Variants in LIFR observed in about 807,000 individuals in gnomAD.
LIFR encodes the protein LIF receptor subunit alpha.
LIFR carries 84 observed loss-of-function variants against 122.2 expected under a neutral mutation model. The observed-to-expected ratio is 0.69, with a 90% CI of 0.58 to 0.82. The LOEUF is 0.82. Among genes scored for constraint, LIFR ranks in the 40% least tolerant of loss-of-function variants. The pLI is 0.00. For missense variants in LIFR, 1,294 were observed against 1,311.6 expected (o/e 0.99, Z 0.21); for synonymous variants, 422 against 434.7 (o/e 0.97, Z 0.36).
chr5:38,491,899 A>T (rs1362666286), intron 14 of LIFR, among the ~76,000 whole-genome samples: 1 of 152,180 alleles, frequency 6.6e-6, no homozygotes, highest in Non-Finnish European at 1.5e-5. Context: ...TACATCTGTA[A>T]ATCTGTACCT....
At chr5:38,536,256 T>TC (rs1279780900) in intron 1 of LIFR, among the ~76,000 whole-genome samples, 1 of 152,066 alleles carries the variant, frequency 6.6e-6, no homozygotes, top group Admixed American at 6.5e-5. Context: ...ACCCTTCATA[T>TC]CCCAGGGTTC....
chr5:38,533,022 G>A (rs1429398853), intron 1 of LIFR, among the ~76,000 whole-genome samples: 4 of 152,200 alleles, frequency 2.6e-5, no homozygotes, highest in African/African-American at 9.6e-5. Flanking sequence ...GCAAACTGCA[G>A]CCCCTCTGCC....
chr5:38,530,728 T>G (rs1561182214), intron 1 of LIFR, 62 bp from the exon 2 acceptor site: 3 of 1,346,046 alleles, frequency 2.2e-6, no homozygotes, highest in Non-Finnish European at 2.1e-6. Flanking sequence ...CCTTATACTG[T>G]GCACACAAAC....
upstream of LIFR, among the ~76,000 whole-genome samples, chr5:38,599,911 G>C (rs1750192494): frequency 6.6e-6 from 1 of 152,124 alleles, no homozygotes. Context: ...TGGGAAGGGA[G>C]GGTCAGACAT....
In LIFR at chr5:38,493,699, CG is replaced by C; in HGVS notation, c.1971del (p.Tyr657Ter). 6.2e-7 allele frequency: 1 copy of C among 1,614,080 alleles called. No individual in the cohort carries two copies. Among genetic ancestry groups the C allele is most frequent in the Non-Finnish European group, 8.5e-7 (1 of 1,179,990 alleles). ...WHYDPNMTCD[Y>X]VIKWCNSSRS... ...CGAGACGAGTTACACCACTTAATGA[CG>C]TAGTCGCAAGTCATGTTGGGGTCGT... is the stretch of plus-strand genomic sequence containing the variant. On this transcript the variant is annotated frameshift_variant, in exon 14 of 20. Transcript: ENST00000453190. LOFTEE classifies it high-confidence loss of function.
In LIFR at chr5:38,546,777, C is replaced by T. The variant is rs184270060; in HGVS notation, c.-20+9557G>A. ...CCACTTCTGCCATTTATGTAACGTC[C>T]ACTGTCCCTGTAAGCATTTGAGTTT... On this transcript the variant is annotated intron_variant, in intron 1 of 19. Coordinates refer to ENST00000453190, the MANE Select transcript of LIFR (RefSeq NM_001127671.2). 6.6e-5 allele frequency among the ~76,000 whole-genome samples: 10 copies of T among 152,330 alleles called. No homozygotes were observed. In the East Asian group the frequency reaches 1.3e-3, roughly 21 times the overall value.
chr5:38,590,416 T>A (rs1485246470), intron 1 of LIFR, among the ~76,000 whole-genome samples: 1 of 152,206 alleles, frequency 6.6e-6, no homozygotes, highest in East Asian at 1.9e-4. Flanking sequence ...ATTGTAAACA[T>A]CATTTGGGTA....
At chr5:38,484,326 G>C (rs1306304218) in intron 18 of LIFR, among the ~76,000 whole-genome samples, 4 of 152,138 alleles carry the variant, frequency 2.6e-5, no homozygotes, top group Admixed American at 6.5e-5. Flanking sequence ...TAAGAGCCAT[G>C]GCTTGTTTTG....
chr5:38,579,114 T>C (rs1249195513), intron 1 of LIFR: 1 of 152,240 alleles, frequency 6.6e-6, no homozygotes. Flanking sequence ...TTTCAAAGAC[T>C]TATGTTTTAT....
chr5:38,565,735 G>A (rs1186681189), intron 1 of LIFR, among the ~76,000 whole-genome samples: 1 of 151,966 alleles, frequency 6.6e-6, no homozygotes, highest in Non-Finnish European at 1.5e-5. Flanking sequence ...CTTCAGGCAT[G>A]CACTGCCATG....
chr5:38,606,459 G>T (rs1392806930), intron 1 of LIFR, among the ~76,000 whole-genome samples: 1 of 152,016 alleles, frequency 6.6e-6, no homozygotes, highest in Non-Finnish European at 1.5e-5. Flanking sequence ...CTCCCACCAG[G>T]CCCCACCTCC....
At chr5:38,498,934 A>C (rs1215470168) in intron 12 of LIFR, among the ~76,000 whole-genome samples, 1 of 152,252 alleles carries the variant, frequency 6.6e-6, no homozygotes, top group Non-Finnish European at 1.5e-5. Flanking sequence ...AAGGAATCCT[A>C]TTATGACTGC....
intron 1 of LIFR, among the ~76,000 whole-genome samples, chr5:38,553,644 A>ATAT (rs1257838542): frequency 3.2e-5 from 3 of 94,506 alleles, no homozygotes; most frequent in African/African-American, 1.4e-4. Context: ...ATATATATAT[A>ATAT]TATATATATA....
chr5:38,532,053 AC>A (rs2112576415), intron 1 of LIFR, among the ~76,000 whole-genome samples: 1 of 152,366 alleles, frequency 6.6e-6, no homozygotes, highest in East Asian at 1.9e-4. Flanking sequence ...ATACAACTGT[AC>A]AAGAATAACT....
At chr5:38,484,913 T>G in intron 17 of LIFR, 45 bp from the exon 18 acceptor site, 4 of 1,312,618 alleles carry the variant, frequency 3.0e-6, no homozygotes, top group Non-Finnish European at 4.4e-6. Flanking sequence ...ATTTTTAGTG[T>G]GAAGTACAGA....
chr5:38,597,009 A>G (rs1318234396), upstream of LIFR, among the ~76,000 whole-genome samples: 1 of 152,246 alleles, frequency 6.6e-6, no homozygotes, highest in Admixed American at 6.5e-5. Flanking sequence ...GGATGTCCCC[A>G]TCATCAGCTA....
Position 38,545,670 on chromosome 5 carries a change from G to A in LIFR, c.-20+10664C>T, listed in dbSNP as rs189853015. Among the ~76,000 whole-genome samples, 278 of 151,986 alleles carry A rather than the reference G, an allele frequency of 1.8e-3. 1 individual carries two copies. The Middle Eastern group carries it at 0.034, about 19-fold the overall frequency. ...GAGGTCAGGAAATCAAGACCATCCT[G>A]GCTAACACAGTGAAACCCTGTGTCT... On this transcript the variant is annotated intron_variant, in intron 1 of 19. Transcript: ENST00000453190.
chr5:38,586,033 C>T (rs72742559), intron 1 of LIFR, among the ~76,000 whole-genome samples: 121 of 152,218 alleles, frequency 7.9e-4, no homozygotes, highest in Middle Eastern at 6.8e-3. Context: ...GTTACTTATC[C>T]GGTATCCGCT....
intron 1 of LIFR, among the ~76,000 whole-genome samples, chr5:38,542,230 T>A (rs1747629960): frequency 6.6e-6 from 1 of 152,228 alleles, no homozygotes; most frequent in Non-Finnish European, 1.5e-5. Flanking sequence ...AGTACCCACA[T>A]GTGGGGACAC....
Sources: gnomAD v4.1 joint callset for allele counts (sites outside exome capture counted in the v4.1 genomes callset) on GRCh38, gnomAD v4.1.1 for gene constraint, MANE v1.5 for transcripts, NCBI Gene and HGNC (gene_info 2026-07-23, HGNC 2026-07-21) for gene names.